CLYBL: variants seen among roughly 807,000 people sequenced by gnomAD.
CLYBL encodes the protein citramalyl-CoA lyase, mitochondrial.
Under a neutral mutation model 38.9 loss-of-function variants are expected in CLYBL, and 31 were observed. The observed-to-expected ratio is 0.80, with a 90% CI of 0.60 to 1.08. The LOEUF (loss-of-function observed/expected upper bound fraction) is 1.08. Ranked by LOEUF, CLYBL falls within the 50% of genes least tolerant of loss-of-function variation. The pLI, the probability that CLYBL is intolerant of heterozygous loss-of-function variation, is 0.00. For synonymous variants in CLYBL, 171 were observed against 158.6 expected (o/e 1.08, Z -0.59); for missense variants, 434 against 411.6 (o/e 1.05, Z -0.47).
intron 1 of CLYBL, among the ~76,000 whole-genome samples, chr13:99,765,752 G>A (rs1449371126): frequency 1.3e-5 from 2 of 151,516 alleles, no homozygotes; most frequent in African/African-American, 2.4e-5. Flanking sequence ...GCCATGTTGC[G>A]CAGACTGGTC....
intron 2 of CLYBL, among the ~76,000 whole-genome samples, chr13:99,779,097 A>G (rs1057317907): frequency 6.6e-6 from 1 of 152,158 alleles, no homozygotes; most frequent in South Asian, 2.1e-4. Context: ...AAATAGGTCT[A>G]TGAGAACATA....
intron 1 of CLYBL, among the ~76,000 whole-genome samples, chr13:99,647,772 C>T (rs982522143): frequency 1.6e-4 from 24 of 152,192 alleles, no homozygotes; most frequent in Non-Finnish European, 2.9e-4. Context: ...ATTTTAATTA[C>T]AGTTGGCATT....
chr13:99,806,968 A>G (rs1434591092), intron 2 of CLYBL, among the ~76,000 whole-genome samples: 2 of 152,248 alleles, frequency 1.3e-5, no homozygotes, highest in Non-Finnish European at 2.9e-5. Context: ...CGGATGATCA[A>G]CAGTGGACTT....
Position 99,870,946 on chromosome 13 carries a change from G to A in CLYBL, c.811G>A (p.Val271Met). The change falls in exon 7 of 9, where the codon GTG (valine) becomes ATG (methionine). Residue 271 changes from valine (V) to methionine (M), a missense_variant. Val to Met is a conservative substitution (Grantham distance 21). Coordinates refer to ENST00000339105, the MANE Select transcript of CLYBL (RefSeq NM_206808.5). Reference sequence around the variant, plus strand: ...TATTAATATTCTTGTAGGTAAGCAGGTGATTCACCCTAACCAAATTGCCGT... The same window carrying A: ...TATTAATATTCTTGTAGGTAAGCAGATGATTCACCCTAACCAAATTGCCGT... ...GAAMGFTGKQ[V>M]IHPNQIAVVQ... 1 of 1,604,516 alleles carries A rather than the reference G, an allele frequency of 6.2e-7. No individual in the cohort carries two copies. The highest frequency in any genetic ancestry group is 8.5e-7 in the Non-Finnish European group (1 of 1,176,492).
intron 2 of CLYBL, among the ~76,000 whole-genome samples, chr13:99,852,725 G>GC (rs1281786636): frequency 1.2e-5 from 1 of 82,198 alleles, no homozygotes; most frequent in Admixed American, 1.3e-4. Context: ...GTTTTAGGGT[G>GC]CTTTCCCCCC....
Position 99,879,785 on chromosome 13 carries a change from C to T in CLYBL, c.927+8723C>T, listed in dbSNP as rs369149843. ...ACCCACTTAGAATTCAAACAGTCTG[C>T]TTCTCACTGGGCCATTCTGTGATAA... is the stretch of plus-strand genomic sequence containing the variant. On this transcript the variant is annotated intron_variant, in intron 7 of 8. Coordinates refer to ENST00000339105, the MANE Select transcript of CLYBL (RefSeq NM_206808.5). Among the ~76,000 whole-genome samples, 7 of 152,232 alleles carry T rather than the reference C, an allele frequency of 4.6e-5. No homozygotes were observed. The South Asian group carries it at 6.2e-4, about 14-fold the overall frequency.
chr13:99,833,479 T>G (rs2139086990), intron 2 of CLYBL, among the ~76,000 whole-genome samples: 1 of 152,220 alleles, frequency 6.6e-6, no homozygotes, highest in South Asian at 2.1e-4. Context: ...TAAACCCATT[T>G]TTCCCAACTT....
chr13:99,908,733 T>C (rs1456788761), exon 10 of CLYBL, among the ~76,000 whole-genome samples: 1 of 152,248 alleles, frequency 6.6e-6, no homozygotes, highest in African/African-American at 2.4e-5. Context: ...ATCATTTTTC[T>C]ATATCATACT....
rs546220552 is a variant in CLYBL at position 99,616,955 on chromosome 13, CAATAAT to C, written c.62+10209_62+10214del. Among the ~76,000 whole-genome samples the C allele has an allele frequency of 3.3e-5, 5 of 150,920 alleles. No individual in the cohort carries two copies. The East Asian group carries it at 9.7e-4, about 29-fold the overall frequency. On this transcript the variant is annotated intron_variant, in intron 1 of 8. Transcript: ENST00000339105. Reference sequence around the variant, plus strand: ...TGGGTGACAGAGCGCGACTCCGTCTCAATAATAATAATAATAGTAATAATAATAATA... The same window carrying C: ...TGGGTGACAGAGCGCGACTCCGTCTCAATAATAATAGTAATAATAATAATA...
chr13:99,885,214 A>C lies in CLYBL; in HGVS notation c.928-6104A>C, dbSNP rs1594246072. 5.9e-5 allele frequency: 24 copies of C among 404,608 alleles called. 1 individual carries two copies. The highest frequency in any genetic ancestry group is 4.5e-4 in the South Asian group (24 of 53,676). 25.1% of individuals were successfully genotyped at this position (404,608 alleles called of 1,614,324 possible). A position where few individuals can be genotyped will look rare whatever the true frequency, so the allele number is the denominator to read the frequency against. ...GAACACAGGCTATACAGAGAGCTGT[A>C]CAGGGAAAGGGTGGAGAGGGATTTG... is the stretch of plus-strand genomic sequence containing the variant. On this transcript the variant is annotated intron_variant, in intron 7 of 8. Coordinates refer to ENST00000339105, the MANE Select transcript of CLYBL (RefSeq NM_206808.5).
intron 1 of CLYBL, among the ~76,000 whole-genome samples, chr13:99,660,930 C>T (rs2047399771): frequency 6.6e-6 from 1 of 151,668 alleles, no homozygotes; most frequent in South Asian, 2.1e-4. Flanking sequence ...GATGCAGTGT[C>T]CAAAAAAATT....
intron 1 of CLYBL, among the ~76,000 whole-genome samples, chr13:99,759,430 CAAG>C (rs960003841): frequency 1.3e-5 from 2 of 152,150 alleles, no homozygotes; most frequent in Non-Finnish European, 2.9e-5. Context: ...GACTCTTCCA[CAAG>C]AAGAACAGGG....
rs538490846 is a variant in CLYBL at position 99,819,842 on chromosome 13, T to A, written c.250-39019T>A. Among the ~76,000 whole-genome samples, 9 of 152,240 alleles carry A rather than the reference T, an allele frequency of 5.9e-5. No homozygotes were observed. The South Asian group carries it at 1.9e-3, about 32-fold the overall frequency. On this transcript the variant is annotated intron_variant, in intron 2 of 8. Transcript: ENST00000339105. ...CTGCCCACCTTGGTGAGGGCAGATC[T>A]TTTTTACTTAGTCTATTGATTCGAA...
At chr13:99,709,804 G>A (rs1233883563) in intron 1 of CLYBL, among the ~76,000 whole-genome samples, 1 of 151,992 alleles carries the variant, frequency 6.6e-6, no homozygotes, top group African/African-American at 2.4e-5. Flanking sequence ...AATAAATAGG[G>A]GATGCAGAGA....
chr13:99,665,523 G>GA (rs887824748), intron 1 of CLYBL, among the ~76,000 whole-genome samples: 2 of 151,230 alleles, frequency 1.3e-5, no homozygotes, highest in Non-Finnish European at 2.9e-5. Context: ...AGTTTTTAGT[G>GA]AAAAAAATTA....
Position 99,764,263 on chromosome 13 carries a change from G to A in CLYBL, c.63-8561G>A, listed in dbSNP as rs181416679. On this transcript the variant is annotated intron_variant, in intron 1 of 8. Transcript: ENST00000339105. Reference sequence around the variant, plus strand: ...TTCTTTTGGGTAGAGACATGGTTTTGCCATGTTGCCCAGGCTGGCTCTTCA... The same window carrying A: ...TTCTTTTGGGTAGAGACATGGTTTTACCATGTTGCCCAGGCTGGCTCTTCA... 5.3e-4 allele frequency among the ~76,000 whole-genome samples: 80 copies of A among 151,308 alleles called. No individual in the cohort carries two copies. In the East Asian group the frequency reaches 0.013, roughly 25 times the overall value.
intron 7 of CLYBL, among the ~76,000 whole-genome samples, chr13:99,885,419 G>C (rs551063838): frequency 6.6e-6 from 1 of 152,120 alleles, no homozygotes; most frequent in Non-Finnish European, 1.5e-5. Context: ...ATGAGGCTGA[G>C]GGGGGAGGGT....
chr13:99,771,235 C>A (rs2049388848), intron 1 of CLYBL, among the ~76,000 whole-genome samples: 1 of 152,058 alleles, frequency 6.6e-6, no homozygotes, highest in Non-Finnish European at 1.5e-5. Flanking sequence ...CCTGATAGAG[C>A]CGAGATTTTG....
chr13:99,687,777 A>G (rs1231251569), intron 1 of CLYBL, among the ~76,000 whole-genome samples: 1 of 152,174 alleles, frequency 6.6e-6, no homozygotes, highest in African/African-American at 2.4e-5. Context: ...CACATTGAAG[A>G]CTTGTTAGTT....
Sources: allele counts gnomAD v4.1 joint callset (sites outside exome capture counted in the v4.1 genomes callset), GRCh38; gene constraint gnomAD v4.1.1; transcripts MANE v1.5; gene names NCBI Gene and HGNC (gene_info 2026-07-23, HGNC 2026-07-21).